Variants in PRKD1 observed in about 807,000 individuals in gnomAD.
PRKD1 encodes serine/threonine-protein kinase D1.
In PRKD1, 63 loss-of-function variants were observed where a neutral mutation model predicts 95.9. The observed-to-expected ratio is 0.66, with a 90% confidence interval of 0.54 to 0.81. PRKD1 has a LOEUF of 0.81. PRKD1 is among the 30% of genes least tolerant of loss of function. The probability of loss-of-function intolerance (pLI) is 0.00; values close to 1 mark genes in which losing one functional copy is unlikely to be tolerated. For synonymous variants in PRKD1, 425 were observed against 423.1 expected (o/e 1.00, Z -0.05); for missense variants, 1,048 against 1,165.3 (o/e 0.90, Z 1.47).
At chr14:29,770,614 C>A (rs538270483) in intron 1 of PRKD1, among the ~76,000 whole-genome samples, 1 of 152,228 alleles carries the variant, frequency 6.6e-6, no homozygotes, top group East Asian at 1.9e-4. Flanking sequence ...TGTCCATGTT[C>A]TGGTATTTTT....
rs1162574324 is a variant in PRKD1, at chr14:29,826,838, TACAC to T, written c.264+100407_264+100410del. 2.1e-3 allele frequency among the ~76,000 whole-genome samples: 37 copies of T among 17,426 alleles called. 7 individuals carry two copies. The highest frequency in any genetic ancestry group is 5.6e-3 in the Admixed American group (7 of 1,260). The allele number at this position is 17,426 out of a possible 152,430, so 11.4% of individuals were successfully genotyped here. A position where few individuals can be genotyped will look rare whatever the true frequency, so the allele number is the denominator to read the frequency against. ...ACACATATATATATATATATATATA[TACAC>T]ACATATATATATATATATATATATA... On this transcript the variant is annotated intron_variant, in intron 1 of 17. Transcript: ENST00000331968.
intron 4 of PRKD1, among the ~76,000 whole-genome samples, chr14:29,645,866 T>A (rs115629795): frequency 0.037 from 5,679 of 152,186 alleles, 319 homozygotes; most frequent in African/African-American, 0.12. Flanking sequence ...CCCCCACTCC[T>A]TACTCTATTA....
intron 1 of PRKD1, among the ~76,000 whole-genome samples, chr14:29,766,831 TATA>T (rs1377265859): frequency 6.6e-6 from 1 of 152,166 alleles, no homozygotes. Flanking sequence ...AAACTTTTGT[TATA>T]ATATTTATTC....
At chr14:29,867,895 A>G (rs778108067) in intron 1 of PRKD1, among the ~76,000 whole-genome samples, 5 of 152,188 alleles carry the variant, frequency 3.3e-5, no homozygotes, top group Admixed American at 2.0e-4. Context: ...AACTATAAAG[A>G]ATCTATGAAG....
intron 1 of PRKD1, among the ~76,000 whole-genome samples, chr14:29,907,686 G>C (rs1023023555): frequency 6.6e-6 from 1 of 152,108 alleles, no homozygotes; most frequent in Non-Finnish European, 1.5e-5. Flanking sequence ...TGTTTCTTTT[G>C]CAAAAGAAAG....
intron 2 of PRKD1, among the ~76,000 whole-genome samples, chr14:29,713,125 T>C (rs1228764229): frequency 2.0e-5 from 3 of 152,102 alleles, no homozygotes; most frequent in Non-Finnish European, 2.9e-5. Flanking sequence ...TCTGTGTGTA[T>C]ACAGAGAAAG....
chr14:29,662,171 T>C (rs1882225285), intron 4 of PRKD1, among the ~76,000 whole-genome samples: 2 of 152,146 alleles, frequency 1.3e-5, no homozygotes, highest in Non-Finnish European at 2.9e-5. Context: ...CATACATTTA[T>C]ATACATATAT....
At position 29,908,140 on chromosome 14, in the gene PRKD1, C is replaced by CAA. The variant is rs200786245; in HGVS notation, c.264+19107_264+19108dup. The stretch of plus-strand genomic sequence containing the variant: ...TTGATCTTTCTGTGTAAAGACAAAG[C>CAA]AAAAAAAAAAAAAAAACTTATGCAC... On this transcript the variant is annotated intron_variant, in intron 1 of 17. Transcript: ENST00000331968. 3.4e-3 allele frequency among the ~76,000 whole-genome samples: 224 copies of CAA among 65,204 alleles called. 1 individual carries two copies. The highest frequency in any genetic ancestry group is 9.3e-3 in the African/African-American group (187 of 20,184). 42.8% of individuals were successfully genotyped at this position (65,204 alleles called of 152,430 possible).
Position 29,761,896 on chromosome 14 carries a change from C to A in PRKD1, c.265-36222G>T, listed in dbSNP as rs568377262. On this transcript the variant is annotated intron_variant, in intron 1 of 17. Coordinates refer to ENST00000331968, the MANE Select transcript of PRKD1 (RefSeq NM_002742.3). The stretch of plus-strand genomic sequence containing the variant: ...CTCTTGGGCTCAAGCAATCCTCACA[C>A]CTCAGCTCCCAAGTAGCTGGTATTA... 4.0e-5 allele frequency among the ~76,000 whole-genome samples: 6 copies of A among 151,688 alleles called. No homozygotes were observed. In the South Asian group the frequency reaches 1.2e-3, roughly 32 times the overall value.
chr14:29,787,239 A>AG (rs1889317532), intron 1 of PRKD1, among the ~76,000 whole-genome samples: 4 of 69,396 alleles, frequency 5.8e-5, no homozygotes, highest in Non-Finnish European at 7.7e-5. Context: ...TTTTTTTTTG[A>AG]GGCCTAATAT....
intron 1 of PRKD1, among the ~76,000 whole-genome samples, chr14:29,909,847 C>T (rs1894640093): frequency 6.6e-6 from 1 of 152,166 alleles, no homozygotes; most frequent in Admixed American, 6.5e-5. Flanking sequence ...GGTTTGTAAA[C>T]ACACCAATCA....
chr14:29,762,996 G>A (rs575474712), intron 1 of PRKD1, among the ~76,000 whole-genome samples: 9 of 151,886 alleles, frequency 5.9e-5, no homozygotes, highest in Admixed American at 2.0e-4. Context: ...CACCCATCTC[G>A]GCCTCCCAAA....
At chr14:29,697,392 C>A (rs1316053394) in intron 2 of PRKD1, among the ~76,000 whole-genome samples, 1 of 152,122 alleles carries the variant, frequency 6.6e-6, no homozygotes, top group Non-Finnish European at 1.5e-5. Flanking sequence ...GTTTCTATAG[C>A]ATAAATGAAT....
intron 16 of PRKD1, among the ~76,000 whole-genome samples, chr14:29,585,514 C>T (rs1892890477): frequency 6.6e-6 from 1 of 152,152 alleles, no homozygotes; most frequent in Admixed American, 6.5e-5. Flanking sequence ...ACCCATACAG[C>T]AGCCTCCAAA....
At position 29,653,699 on chromosome 14, in the gene PRKD1, A is replaced by C. The variant is rs960461179; in HGVS notation, c.696+10000T>G. On this transcript the variant is annotated intron_variant, in intron 4 of 17. Transcript: ENST00000331968. ...CTCTATACAGTAAGAGAATGAATGA[A>C]AATATGTCTTCTCCATGTGAAAAAA... 2.0e-5 allele frequency among the ~76,000 whole-genome samples: 3 copies of C among 152,266 alleles called. No individual in the cohort carries two copies. The East Asian group carries it at 5.8e-4, about 29-fold the overall frequency.
intron 1 of PRKD1, among the ~76,000 whole-genome samples, chr14:29,826,187 T>C (rs549470893): frequency 6.4e-5 from 9 of 140,606 alleles, no homozygotes; most frequent in African/African-American, 2.1e-4. Flanking sequence ...AATATATATA[T>C]ACATATATAT....
intron 13 of PRKD1, among the ~76,000 whole-genome samples, chr14:29,605,035 G>T (rs1434559141): frequency 6.6e-6 from 1 of 152,010 alleles, no homozygotes; most frequent in Non-Finnish European, 1.5e-5. Context: ...CAACCCACTG[G>T]TCTCTAAAAG....
chr14:29,687,712 A>G (rs1435198507), intron 2 of PRKD1, among the ~76,000 whole-genome samples: 4 of 152,308 alleles, frequency 2.6e-5, no homozygotes, highest in Admixed American at 1.3e-4. Flanking sequence ...TCTTCTGATC[A>G]TCTTCCCTGT....
At chr14:29,620,711 C>T (rs1306977705) in intron 13 of PRKD1, among the ~76,000 whole-genome samples, 1 of 152,106 alleles carries the variant, frequency 6.6e-6, no homozygotes, top group Non-Finnish European at 1.5e-5. Context: ...AATAGGAACA[C>T]TTTCACACTG....
Sources: allele counts gnomAD v4.1 joint callset (sites outside exome capture counted in the v4.1 genomes callset), GRCh38; gene constraint gnomAD v4.1.1; transcripts MANE v1.5; gene names NCBI Gene and HGNC (gene_info 2026-07-23, HGNC 2026-07-21).